Variants in NLRC5 observed in about 807,000 individuals in gnomAD.
The protein encoded by NLRC5 is protein NLRC5.
In NLRC5, 114 loss-of-function variants were observed where a neutral mutation model predicts 206.9. The observed-to-expected ratio is 0.55, with a 90% CI of 0.47 to 0.64. NLRC5 has a LOEUF of 0.64. NLRC5 is among the 30% of genes least tolerant of loss of function. The probability of loss-of-function intolerance (pLI) is 0.00; values close to 1 mark genes in which losing one functional copy is unlikely to be tolerated. For missense variants in NLRC5, 2,008 were observed against 2,305.5 expected, an observed-to-expected ratio of 0.87 and a Z score of 2.64; for synonymous variants, 952 against 962.8, an observed-to-expected ratio of 0.99 and a Z score of 0.21.
chr16:57,069,621 G>C (rs545303038), intron 36 of NLRC5: 1 of 580,310 alleles, frequency 1.7e-6, no homozygotes, highest in Non-Finnish European at 3.1e-6. Context: ...GAATGACTGC[G>C]GTTTAGGAAA....
intron 40 of NLRC5, 103 bp from the exon 41 acceptor site, chr16:57,077,193 T>C: frequency 2.0e-6 from 2 of 1,016,766 alleles, no homozygotes; most frequent in Non-Finnish European, 3.1e-6. Context: ...TCTGTGTGAG[T>C]CGAGGCCCTT....
chr16:57,024,487 T>C (rs529716352), intron 5 of NLRC5, among the ~76,000 whole-genome samples: 13 of 152,240 alleles, frequency 8.5e-5, no homozygotes, highest in Non-Finnish European at 1.8e-4. Flanking sequence ...CCCCATAGGG[T>C]TCCCCCAAAA....
chr16:57,059,068 G>T lies in NLRC5; in HGVS notation c.3920+7G>T. On this transcript the variant is annotated splice_region_variant and intron_variant, in intron 29 of 48. Coordinates refer to ENST00000688547, the MANE Select transcript of NLRC5 (RefSeq NM_001384950.1). ...TCCGGGAGGCCTCAGTGAAGTAAGGGGATGTTGGTCCCCGAAAAGCCCCTT... is the reference window on the plus strand; with the variant it reads ...TCCGGGAGGCCTCAGTGAAGTAAGGTGATGTTGGTCCCCGAAAAGCCCCTT... The T allele has an allele frequency of 6.2e-7, 1 of 1,613,888 alleles. No individual in the cohort carries two copies. The highest frequency in any genetic ancestry group is 8.5e-7 in the Non-Finnish European group (1 of 1,180,026).
At chr16:57,059,623 C>A in intron 30 of NLRC5, 91 bp downstream of exon 30, 1 of 1,242,748 alleles carries the variant, frequency 8.0e-7, no homozygotes. Flanking sequence ...TCCCTGGGCC[C>A]TCTCCTCCTT....
At chr16:57,037,729 C>A (rs1017667404) in intron 15 of NLRC5, among the ~76,000 whole-genome samples, 1 of 152,158 alleles carries the variant, frequency 6.6e-6, no homozygotes, top group African/African-American at 2.4e-5. Flanking sequence ...ACATGCGACC[C>A]CCTACCCCAC....
chr16:57,081,060 G>C, intron 46 of NLRC5, 38 bp from the exon 47 acceptor site: 1 of 1,535,664 alleles, frequency 6.5e-7, no homozygotes. Flanking sequence ...CGACCTCCTT[G>C]CTCTCCTGCC....
At chr16:57,006,792 T>C (rs1429800201) in intron 1 of NLRC5, among the ~76,000 whole-genome samples, 2 of 151,984 alleles carry the variant, frequency 1.3e-5, no homozygotes, top group African/African-American at 4.8e-5. Flanking sequence ...TAGATAAAGG[T>C]TGTATCCTGT....
chr16:56,991,521 A>G (rs1167604756), intron 1 of NLRC5, among the ~76,000 whole-genome samples: 4 of 150,188 alleles, frequency 2.7e-5, no homozygotes, highest in African/African-American at 9.8e-5. Context: ...AGCTGGGATT[A>G]TAGGCGCCCG....
chr16:57,014,925 T>TC (rs1262618400), intron 1 of NLRC5, among the ~76,000 whole-genome samples: 1 of 17,640 alleles, frequency 5.7e-5, no homozygotes, highest in East Asian at 4.6e-3. Context: ...TCTTCCTTTT[T>TC]CCTTTTTTTT....
At chr16:57,027,657 C>A (rs545256751) in intron 6 of NLRC5, among the ~76,000 whole-genome samples, 2 of 152,348 alleles carry the variant, frequency 1.3e-5, no homozygotes, top group South Asian at 4.1e-4. Flanking sequence ...GCTCCATTAT[C>A]CCCTTGGGAA....
chr16:57,079,161 C>G (rs1402871399), intron 44 of NLRC5, 28 bp downstream of exon 44: 4 of 1,612,850 alleles, frequency 2.5e-6, no homozygotes, highest in Non-Finnish European at 3.4e-6. Context: ...AGCCCAGGCA[C>G]GGGGACAGTC....
At chr16:57,073,530 A>C (rs1197801960) in intron 38 of NLRC5, among the ~76,000 whole-genome samples, 1 of 152,184 alleles carries the variant, frequency 6.6e-6, no homozygotes, top group Non-Finnish European at 1.5e-5. Context: ...TCCCACATCC[A>C]GGAAAAACTC....
At chr16:57,015,165 G>A in intron 1 of NLRC5, among the ~76,000 whole-genome samples, 1 of 152,168 alleles carries the variant, frequency 6.6e-6, no homozygotes, top group East Asian at 1.9e-4. Context: ...CTGACCTCAA[G>A]TGATCTACCT....
intron 20 of NLRC5, among the ~76,000 whole-genome samples, chr16:57,044,021 A>T (rs1567591603): frequency 6.6e-6 from 1 of 152,008 alleles, no homozygotes; most frequent in Non-Finnish European, 1.5e-5. Context: ...ACTGGGGGCC[A>T]GGCGCGGTGG....
chr16:57,021,040 G>C (rs375166779), intron 3 of NLRC5, 33 bp downstream of exon 3: 3 of 1,600,916 alleles, frequency 1.9e-6, no homozygotes, highest in Admixed American at 1.7e-5. Flanking sequence ...CAAAGCAGCC[G>C]GGCCAGTACC....
At chr16:57,007,141 C>T (rs1297416927) in intron 1 of NLRC5, among the ~76,000 whole-genome samples, 1 of 152,122 alleles carries the variant, frequency 6.6e-6, no homozygotes, top group Non-Finnish European at 1.5e-5. Context: ...AAAAGGCTCT[C>T]CTTTCCCAGC....
At chr16:57,066,807 A>G (rs1311729736) in intron 34 of NLRC5, among the ~76,000 whole-genome samples, 193 bp downstream of exon 34, 1 of 151,952 alleles carries the variant, frequency 6.6e-6, no homozygotes, top group Non-Finnish European at 1.5e-5. Context: ...AGCTCCAGTC[A>G]CCCCCATGAA....
At chr16:57,049,458 C>T (rs1205347662) in intron 23 of NLRC5, among the ~76,000 whole-genome samples, 1 of 152,160 alleles carries the variant, frequency 6.6e-6, no homozygotes, top group African/African-American at 2.4e-5. Context: ...CCACTGGCGG[C>T]CCGGCACGGT....
At chr16:57,058,201 G>A in intron 28 of NLRC5, 53 bp downstream of exon 28, 1 of 1,479,902 alleles carries the variant, frequency 6.8e-7, no homozygotes, top group Non-Finnish European at 9.3e-7. Flanking sequence ...GCTCCCCTAG[G>A]CCAAAAGCAT....
Sources: allele counts gnomAD v4.1 joint callset (sites outside exome capture counted in the v4.1 genomes callset), GRCh38; gene constraint gnomAD v4.1.1; transcripts MANE v1.5; gene names NCBI Gene and HGNC (gene_info 2026-07-23, HGNC 2026-07-21).